The following XRCC4 variants were observed in gnomAD, a reference collection of about 807,000 sequenced individuals.
The protein encoded by XRCC4 is DNA repair protein XRCC4.
Under a neutral mutation model 39.1 loss-of-function variants are expected in XRCC4, and 28 were observed. That is an observed-to-expected ratio of 0.72 (90% CI 0.53 to 0.98). The LOEUF is 0.98. Among genes scored for constraint, XRCC4 ranks in the 50% least tolerant of loss-of-function variants. The probability of loss-of-function intolerance (pLI) is 0.00; values close to 1 mark genes in which losing one functional copy is unlikely to be tolerated. For synonymous variants in XRCC4, 123 were observed against 126.4 expected (o/e 0.97, Z 0.18); for missense variants, 350 against 376.4 (o/e 0.93, Z 0.58).
chr5:83,092,796 C>G (rs930796936), intron 1 of XRCC4, among the ~76,000 whole-genome samples: 7 of 151,704 alleles, frequency 4.6e-5, no homozygotes, highest in African/African-American at 1.5e-4. Flanking sequence ...AAATTAGATT[C>G]AAAAGATTCA....
chr5:83,166,933 G>T (rs1172460674), intron 3 of XRCC4, among the ~76,000 whole-genome samples: 1 of 151,900 alleles, frequency 6.6e-6, no homozygotes, highest in Non-Finnish European at 1.5e-5. Context: ...CCAGACTGGG[G>T]TGCGGTGACA....
intron 3 of XRCC4, among the ~76,000 whole-genome samples, chr5:83,161,138 T>G (rs1749187785): frequency 6.6e-6 from 1 of 151,376 alleles, no homozygotes. Context: ...GAGATGGAGT[T>G]TTGCTCTTGT....
At chr5:83,297,796 A>G (rs80315707) in intron 7 of XRCC4, among the ~76,000 whole-genome samples, 1,746 of 151,966 alleles carry the variant, frequency 0.011, 27 homozygotes, top group East Asian at 0.067. Flanking sequence ...TGCACGCTTC[A>G]AGTTCTCATT....
chr5:83,108,854 C>T lies in XRCC4; in HGVS notation c.140-2174C>T, dbSNP rs375241476. Among the ~76,000 whole-genome samples, 293 of 143,310 alleles carry T rather than the reference C, an allele frequency of 2.0e-3. 2 individuals are homozygous for T. The highest frequency in any genetic ancestry group is 3.0e-3 in the Non-Finnish European group (195 of 64,946). 94.0% of individuals were successfully genotyped at this position (143,310 alleles called of 152,430 possible). On this transcript the variant is annotated intron_variant, in intron 2 of 7. Coordinates refer to ENST00000396027, the MANE Select transcript of XRCC4 (RefSeq NM_003401.5). Reference sequence around the variant, plus strand: ...TTAAATAGGAAGCATTTATCTTCTTCTTTTTTTTTTTTTAGAAGAGCTACT... The same window carrying T: ...TTAAATAGGAAGCATTTATCTTCTTTTTTTTTTTTTTTTAGAAGAGCTACT...
chr5:83,326,872 C>T (rs1034908635), intron 7 of XRCC4, among the ~76,000 whole-genome samples: 1 of 151,988 alleles, frequency 6.6e-6, no homozygotes, highest in Non-Finnish European at 1.5e-5. Context: ...CTAAGGAATT[C>T]TTATTGCTGT....
At chr5:83,090,241 C>A (rs1181997358) in intron 1 of XRCC4, among the ~76,000 whole-genome samples, 1 of 151,898 alleles carries the variant, frequency 6.6e-6, no homozygotes, top group African/African-American at 2.4e-5. Flanking sequence ...TGGGAGAGAC[C>A]CAGTGGGAGG....
chr5:83,337,900 A>T (rs1292451575), intron 7 of XRCC4, among the ~76,000 whole-genome samples: 1 of 152,164 alleles, frequency 6.6e-6, no homozygotes, highest in Non-Finnish European at 1.5e-5. Flanking sequence ...TGGCAAGATG[A>T]TGACCTTCTC....
chr5:83,157,465 T>C (rs1749017759), intron 3 of XRCC4, among the ~76,000 whole-genome samples: 2 of 151,924 alleles, frequency 1.3e-5, no homozygotes, highest in South Asian at 4.1e-4. Context: ...TTTGGGGAAA[T>C]CCTGTAATAA....
intron 7 of XRCC4, among the ~76,000 whole-genome samples, chr5:83,300,546 TTGTGTGTGTGTGTGTG>T (rs70973389): frequency 7.9e-6 from 1 of 126,990 alleles, no homozygotes; most frequent in Non-Finnish European, 1.6e-5. Context: ...TATCTTTTGT[TTGTGTGTGTGTGTGTG>T]TGTGTGTGTG....
chr5:83,111,083 A>T lies in XRCC4; in HGVS notation c.195A>T (p.Lys65Asn). The change falls in exon 3 of 8, where the codon AAA (lysine) becomes AAT (asparagine). Residue 65 changes from lysine (K) to asparagine (N), a missense_variant. Physicochemically the swap from Lys to Asn is moderately conservative, Grantham distance 94 (BLOSUM62 0). Transcript: ENST00000396027. The stretch of plus-strand genomic sequence containing the variant: ...ATGACATGGCAATGGAAAAAGGGAA[A>T]TATGTTGGTGAACTGAGAAAAGCAT... ...EADDMAMEKG[K>N]YVGELRKALL... The T allele has an allele frequency of 6.2e-7, 1 of 1,612,232 alleles. No homozygotes were observed. The highest frequency in any genetic ancestry group is 8.5e-7 in the Non-Finnish European group (1 of 1,179,124).
At chr5:83,362,228 T>C in the XRCC4 span, among the ~76,000 whole-genome samples, 1 of 149,698 alleles carries the variant, frequency 6.7e-6, no homozygotes, top group African/African-American at 2.5e-5. Flanking sequence ...AAGGAGAATT[T>C]GTGATTAAAG....
intron 3 of XRCC4, among the ~76,000 whole-genome samples, chr5:83,151,146 A>G (rs1748683525): frequency 6.6e-6 from 1 of 152,166 alleles, no homozygotes; most frequent in African/African-American, 2.4e-5. Flanking sequence ...AAATAGAATA[A>G]TTAGTTGTAT....
chr5:83,204,994 A>G lies in XRCC4; in HGVS notation c.745+73A>G, dbSNP rs965933064. 6 of 1,045,292 alleles carry G rather than the reference A, an allele frequency of 5.7e-6. No homozygotes were observed. The East Asian group carries it at 7.8e-5, about 14-fold the overall frequency. 64.8% of individuals were successfully genotyped at this position (1,045,292 alleles called of 1,614,324 possible). A position where few individuals can be genotyped will look rare whatever the true frequency, so the allele number is the denominator to read the frequency against. On this transcript the variant is annotated intron_variant, in intron 6 of 7. Transcript: ENST00000396027. ...CTTCTTATTCTAATGACAAGAAACCATAATGGAAAAATGTTGTGAAAGACC... is the reference window on the plus strand; with the variant it reads ...CTTCTTATTCTAATGACAAGAAACCGTAATGGAAAAATGTTGTGAAAGACC...
At chr5:83,286,791 G>A (rs1480949139) in intron 7 of XRCC4, among the ~76,000 whole-genome samples, 1 of 152,080 alleles carries the variant, frequency 6.6e-6, no homozygotes, top group Non-Finnish European at 1.5e-5. Context: ...AAGTACCTGA[G>A]AAGATTGAGA....
intron 1 of XRCC4, among the ~76,000 whole-genome samples, chr5:83,093,011 ATG>A (rs779975500): frequency 2.0e-5 from 2 of 97,796 alleles, no homozygotes; most frequent in Non-Finnish European, 4.4e-5. Context: ...GAGTAAATGA[ATG>A]GACACACACA....
chr5:83,271,147 A>G (rs1317173474), intron 7 of XRCC4, among the ~76,000 whole-genome samples: 3 of 152,104 alleles, frequency 2.0e-5, no homozygotes, highest in Admixed American at 6.5e-5. Flanking sequence ...CTTGACATTT[A>G]TATTATTTTA....
chr5:83,102,192 G>C (rs1745974045), intron 1 of XRCC4, among the ~76,000 whole-genome samples: 1 of 152,018 alleles, frequency 6.6e-6, no homozygotes, highest in South Asian at 2.1e-4. Flanking sequence ...CTACCAGTTG[G>C]GACTCAGTGA....
At chr5:83,147,771 C>T (rs975031292) in intron 3 of XRCC4, among the ~76,000 whole-genome samples, 16 of 150,572 alleles carry the variant, frequency 1.1e-4, no homozygotes, top group African/African-American at 3.4e-4. Context: ...TTAGCCATTG[C>T]GCAATGTATA....
intron 6 of XRCC4, among the ~76,000 whole-genome samples, chr5:83,208,321 T>A (rs978059439): frequency 6.6e-6 from 1 of 152,078 alleles, no homozygotes; most frequent in African/African-American, 2.4e-5. Context: ...GTTTTTACCT[T>A]ACTGTCCCAT....
Sources: gnomAD v4.1 joint callset for allele counts (sites outside exome capture counted in the v4.1 genomes callset) on GRCh38, gnomAD v4.1.1 for gene constraint, MANE v1.5 for transcripts, NCBI Gene and HGNC (gene_info 2026-07-23, HGNC 2026-07-21) for gene names.